The following PALLD variants were observed in gnomAD, a reference collection of about 807,000 sequenced individuals.
PALLD encodes the protein palladin.
In PALLD, 61 loss-of-function variants were observed where a neutral mutation model predicts 123.5. That is an observed-to-expected ratio of 0.49 (90% confidence interval 0.40 to 0.61). The LOEUF is 0.61. Among genes scored for constraint, PALLD ranks in the 20% least tolerant of loss-of-function variants. PALLD has a pLI of 0.00. For missense variants in PALLD, 1,273 were observed against 1,377.0 expected (o/e 0.92, Z 1.20); for synonymous variants, 465 against 496.4 (o/e 0.94, Z 0.84).
chr4:168,904,182 G>A, intron 15 of PALLD: 2 of 420,852 alleles, frequency 4.8e-6, no homozygotes, highest in Non-Finnish European at 4.4e-6. Context: ...GGGTTGCAGT[G>A]GTAGACTGGA....
At chr4:168,736,054 A>G (rs2150327249) in intron 10 of PALLD, among the ~76,000 whole-genome samples, 1 of 152,326 alleles carries the variant, frequency 6.6e-6, no homozygotes, top group South Asian at 2.1e-4. Context: ...CTGCCACTGG[A>G]GCTCATTCAG....
At chr4:168,710,160 T>A (rs1200819663) in intron 9 of PALLD, among the ~76,000 whole-genome samples, 1 of 152,176 alleles carries the variant, frequency 6.6e-6, no homozygotes, top group African/African-American at 2.4e-5. Flanking sequence ...AGTATATAAC[T>A]AATATGAAAA....
intron 2 of PALLD, among the ~76,000 whole-genome samples, chr4:168,536,984 C>A (rs1050127546): frequency 2.6e-5 from 4 of 152,068 alleles, no homozygotes; most frequent in African/African-American, 9.7e-5. Flanking sequence ...CCTGCCACCA[C>A]GCCCGGCTAA....
In PALLD at chr4:168,685,485, G is replaced by T; in HGVS notation, c.1261G>T (p.Val421Phe). The T allele has an allele frequency of 6.2e-7, 1 of 1,604,538 alleles. No homozygotes were observed. The highest frequency in any genetic ancestry group is 8.5e-7 in the Non-Finnish European group (1 of 1,171,434). ...IQPLSVPVQQVHSPTSYLCRP... is the reference protein window; with the variant it reads ...IQPLSVPVQQFHSPTSYLCRP... Reference sequence around the variant, plus strand: ...GATCCATATGTCTCTGCTTTTGCAGGTTCACAGTCCAACTTCATATCTCTG... The same window carrying T: ...GATCCATATGTCTCTGCTTTTGCAGTTTCACAGTCCAACTTCATATCTCTG... The change falls in exon 6 of 22, where the codon GTT becomes TTT. Residue 421 changes from valine to phenylalanine, a missense_variant and splice_region_variant. Val to Phe is a conservative substitution (Grantham distance 50). Around this residue, in one of 2 missense-constraint regions of PALLD, gnomAD observed 944 missense variants for 954.5 expected, o/e 0.99. Transcript: ENST00000505667.
intron 2 of PALLD, among the ~76,000 whole-genome samples, chr4:168,608,665 A>ATTGCTGCTGCTGTTGTTGTTG (rs1773425459): frequency 6.6e-6 from 1 of 151,904 alleles, no homozygotes; most frequent in Non-Finnish European, 1.5e-5. Flanking sequence ...GTTTGTTGTT[A>ATTGCTGCTGCTGTTGTTGTTG]TTGCTGCTGC....
Position 168,711,894 on chromosome 4 carries a change from G to T in PALLD, c.1935G>T (p.Glu645Asp), listed in dbSNP as rs764826853. Reference protein sequence around the residue: ...TPAVLLSPTKEPPPLLAKPKL... With the variant: ...TPAVLLSPTKDPPPLLAKPKL... Reference sequence around the variant, plus strand: ...CTGTCCTGCTTTCACCCACTAAGGAGCCACCACCTCTGCTTGCCAAACCAA... The same window carrying T: ...CTGTCCTGCTTTCACCCACTAAGGATCCACCACCTCTGCTTGCCAAACCAA... Residue 645 changes from glutamate to aspartate, a missense_variant, in exon 10 of 22, where the codon GAG (glutamate) becomes GAT (aspartate). This residue lies in a region of PALLD where 944 missense variants were observed against 954.5 expected (regional missense o/e 0.99). Coordinates refer to ENST00000505667, the MANE Select transcript of PALLD (RefSeq NM_001166108.2). The T allele has an allele frequency of 2.5e-6, 4 of 1,613,930 alleles. No homozygotes were observed. Among genetic ancestry groups the T allele is most frequent in the Non-Finnish European group, 3.4e-6 (4 of 1,179,990 alleles).
Position 168,637,943 on chromosome 4 carries a change from C to CAAA in PALLD, c.909-30224_909-30222dup, listed in dbSNP as rs11416996. Among the ~76,000 whole-genome samples the CAAA allele has an allele frequency of 8.2e-3, 490 of 59,430 alleles. 17 individuals carry two copies. Among genetic ancestry groups the CAAA allele is most frequent in the African/African-American group, 0.025 (341 of 13,532 alleles). The allele number at this position is 59,430 out of a possible 152,430, so 39.0% of individuals were successfully genotyped here. ...TGAGCAACAGAGGGAGAATACATCTCAAAAAAAAAAAAAAAAAAAAAAAAA... is the reference window on the plus strand; with the variant it reads ...TGAGCAACAGAGGGAGAATACATCTCAAAAAAAAAAAAAAAAAAAAAAAAAAAA... On this transcript the variant is annotated intron_variant, in intron 2 of 21. Coordinates refer to ENST00000505667, the MANE Select transcript of PALLD (RefSeq NM_001166108.2).
chr4:168,669,889 G>A (rs2710842), intron 3 of PALLD, among the ~76,000 whole-genome samples: 75,245 of 151,536 alleles, frequency 0.5, 19,482 homozygotes, highest in African/African-American at 0.64. Context: ...ACTGAGGCCT[G>A]GAGAGGTAGA....
intron 10 of PALLD, among the ~76,000 whole-genome samples, chr4:168,808,058 C>CG (rs1380906810): frequency 1.3e-5 from 2 of 151,420 alleles, no homozygotes; most frequent in Non-Finnish European, 2.9e-5. Context: ...AGCAGTTCAG[C>CG]GGGAAAAACA....
chr4:168,809,342 T>TC (rs1229829011), intron 10 of PALLD, among the ~76,000 whole-genome samples: 2 of 149,206 alleles, frequency 1.3e-5, no homozygotes, highest in African/African-American at 2.4e-5. Flanking sequence ...TTCTTCTTCT[T>TC]TTTTTTTTTG....
At chr4:168,856,270 G>A (rs1004395076) in intron 10 of PALLD, among the ~76,000 whole-genome samples, 9 of 152,162 alleles carry the variant, frequency 5.9e-5, no homozygotes, top group African/African-American at 4.8e-5. Flanking sequence ...TTGGTTCCAC[G>A]TCTTTGCTGT....
At chr4:168,629,510 T>C (rs958202831) in intron 2 of PALLD, among the ~76,000 whole-genome samples, 1 of 152,198 alleles carries the variant, frequency 6.6e-6, no homozygotes, top group African/African-American at 2.4e-5. Context: ...ATGTATTACT[T>C]ATTCAAAACA....
At chr4:168,725,426 G>C (rs1173848537) in intron 10 of PALLD, among the ~76,000 whole-genome samples, 1 of 151,310 alleles carries the variant, frequency 6.6e-6, no homozygotes, top group Non-Finnish European at 1.5e-5. Flanking sequence ...GTATCATTAT[G>C]CTCAATGTTT....
At position 168,914,084 on chromosome 4, in the gene PALLD, C is replaced by T. The variant is rs1426971066; in HGVS notation, c.2717+63C>T. ...TTTATTTATTACTATAAATGTAGTACTATTAGAATCATCATATGACCACAA... is the reference window on the plus strand; with the variant it reads ...TTTATTTATTACTATAAATGTAGTATTATTAGAATCATCATATGACCACAA... On this transcript the variant is annotated intron_variant, in intron 16 of 21. Coordinates refer to ENST00000505667, the MANE Select transcript of PALLD (RefSeq NM_001166108.2). 1.4e-5 allele frequency: 14 copies of T among 983,982 alleles called. No homozygotes were observed. In the East Asian group the frequency reaches 3.1e-4, roughly 22 times the overall value. The allele number at this position is 983,982 out of a possible 1,614,324, so 61.0% of individuals were successfully genotyped here. A position where few individuals can be genotyped will look rare whatever the true frequency, so the allele number is the denominator to read the frequency against.
Position 168,544,882 on chromosome 4 carries a change from C to T in PALLD, c.908+32470C>T, listed in dbSNP as rs925229191. ...GTCCAAGTCATCCCCAGGGAAACAACGTAAAAGCTACTTCAGATTTTGTGG... is the reference window on the plus strand; with the variant it reads ...GTCCAAGTCATCCCCAGGGAAACAATGTAAAAGCTACTTCAGATTTTGTGG... On this transcript the variant is annotated intron_variant, in intron 2 of 21. Transcript: ENST00000505667. Among the ~76,000 whole-genome samples, 7 of 152,120 alleles carry T rather than the reference C, an allele frequency of 4.6e-5. No homozygotes were observed. In the East Asian group the frequency reaches 9.6e-4, roughly 21 times the overall value.
chr4:168,708,926 C>A, intron 8 of PALLD, 102 bp from the exon 9 acceptor site: 1 of 1,016,274 alleles, frequency 9.8e-7, no homozygotes, highest in Non-Finnish European at 1.5e-6. Context: ...CTGTAATAAT[C>A]ATAACCTAAT....
chr4:168,566,875 G>A (rs1454595794), intron 2 of PALLD, among the ~76,000 whole-genome samples: 1 of 152,170 alleles, frequency 6.6e-6, no homozygotes, highest in Non-Finnish European at 1.5e-5. Context: ...TTTCTGGATA[G>A]TGTGGATTGG....
At chr4:168,829,713 C>G (rs1450004530) in intron 10 of PALLD, among the ~76,000 whole-genome samples, 1 of 152,120 alleles carries the variant, frequency 6.6e-6, no homozygotes, top group Non-Finnish European at 1.5e-5. Flanking sequence ...CCTAAGGGCC[C>G]TTTGACATGG....
intron 2 of PALLD, among the ~76,000 whole-genome samples, chr4:168,591,445 A>G (rs1424484128): frequency 6.6e-6 from 1 of 152,204 alleles, no homozygotes; most frequent in African/African-American, 2.4e-5. Context: ...AGAGGAGATC[A>G]TAATACATCC....
Sources: gnomAD v4.1 joint callset for allele counts (sites outside exome capture counted in the v4.1 genomes callset) on GRCh38, gnomAD v4.1.1 for gene constraint, gnomAD v4.1.1 regional missense constraint, MANE v1.5 for transcripts, NCBI Gene and HGNC (gene_info 2026-07-23, HGNC 2026-07-21) for gene names.